Variants in IRS1 observed in about 807,000 individuals in gnomAD.
IRS1 encodes the protein insulin receptor substrate 1.
Under a neutral mutation model 65.6 loss-of-function variants are expected in IRS1, and 34 were observed. The observed-to-expected ratio is 0.52, with a 90% CI of 0.39 to 0.69. IRS1 has a LOEUF of 0.69. Ranked by LOEUF, IRS1 falls within the 30% of genes least tolerant of loss-of-function variation. The probability of loss-of-function intolerance (pLI) is 0.00; values close to 1 mark genes in which losing one functional copy is unlikely to be tolerated. For missense variants in IRS1, 1,641 were observed against 1,720.2 expected (o/e 0.95, Z 0.81); for synonymous variants, 699 against 683.5 (o/e 1.02, Z -0.35).
At chr2:226,753,841 CTGATTGATTGATTGAT>C (rs113302205) in intron 1 of IRS1, among the ~76,000 whole-genome samples, 1 of 151,692 alleles carries the variant, frequency 6.6e-6, no homozygotes, top group Non-Finnish European at 1.5e-5. Flanking sequence ...AAACTCAGCA[CTGATTGATTGATTGAT>C]TGATTGATTG....
rs2106184414 is a variant in IRS1, at chr2:226,795,154, G to A, written c.3585C>T (p.Cys1195=). 3 of 1,613,694 alleles carry A rather than the reference G, an allele frequency of 1.9e-6. No individual in the cohort carries two copies. Among genetic ancestry groups the A allele is most frequent in the East Asian group, 2.2e-5 (1 of 44,862 alleles). ...VKDFKQCPQE[C]TPEPQPPPPP... ...GTGGGGGAGGCTGCGGTTCAGGGGTGCACTCCTGAGGGCACTGTTTGAAGT... is the reference window on the plus strand; with the variant it reads ...GTGGGGGAGGCTGCGGTTCAGGGGTACACTCCTGAGGGCACTGTTTGAAGT... The change falls in exon 1 of 2, where the codon TGC becomes TGT. Residue 1195 remains cysteine (C), a synonymous_variant. Coordinates refer to ENST00000305123, the MANE Select transcript of IRS1 (RefSeq NM_005544.3).
At chr2:226,793,440 T>C (rs1398349188) in intron 1 of IRS1, among the ~76,000 whole-genome samples, 2 of 152,246 alleles carry the variant, frequency 1.3e-5, no homozygotes, top group Non-Finnish European at 2.9e-5. Context: ...TAAATCTTTC[T>C]TCTAGTGAAT....
Position 226,796,730 on chromosome 2 carries a change from C to T in IRS1, c.2009G>A (p.Gly670Asp). Residue 670 changes from glycine to aspartate, a missense_variant, in exon 1 of 2, where the codon GGC becomes GAC. Coordinates refer to ENST00000305123, the MANE Select transcript of IRS1 (RefSeq NM_005544.3). ...NGYMMMSPSG[G>D]CSPDIGGGPS... ...GCCACCTCCAATGTCAGGAGAGCAG[C>T]CACCGCTGGGGGACATCATCATGTA... is the stretch of plus-strand genomic sequence containing the variant. 4 of 1,612,310 alleles carry T rather than the reference C, an allele frequency of 2.5e-6. No individual in the cohort carries two copies. Among genetic ancestry groups the T allele is most frequent in the Non-Finnish European group, 3.4e-6 (4 of 1,178,958 alleles).
chr2:226,770,040 G>T (rs1187899674), intron 1 of IRS1, among the ~76,000 whole-genome samples: 1 of 152,118 alleles, frequency 6.6e-6, no homozygotes, highest in African/African-American at 2.4e-5. Context: ...TAAAGTCCTA[G>T]CAGTCATGAA....
Position 226,795,846 on chromosome 2 carries a change from G to T in IRS1, c.2893C>A (p.Leu965Met). Reference protein sequence around the residue: ...QESTGVEMGRLGPAPPGAASI... With the variant: ...QESTGVEMGRMGPAPPGAASI... ...GCAGCCCCGGGAGGTGCAGGGCCCA[G>T]TCTGCCCATCTCGACCCCAGTGCTC... is the stretch of plus-strand genomic sequence containing the variant. The change falls in exon 1 of 2, where the codon CTG becomes ATG. Residue 965 changes from leucine (L) to methionine (M), a missense_variant. Physicochemically the swap from Leu to Met is conservative, Grantham distance 15. Transcript: ENST00000305123. The T allele has an allele frequency of 1.9e-6, 3 of 1,613,390 alleles. No homozygotes were observed. Among genetic ancestry groups the T allele is most frequent in the Non-Finnish European group, 2.5e-6 (3 of 1,179,932 alleles).
rs1226759277 is a variant in IRS1, at chr2:226,731,443, A to G, written c.*4829T>C. On this transcript the variant is annotated 3_prime_UTR_variant, in exon 2 of 2. Transcript: ENST00000305123. The stretch of plus-strand genomic sequence containing the variant: ...TTTAATTGATGATGAAGACACTACA[A>G]TTCTAAGTACCAGACAGAATCAGGA... 1 of 152,206 alleles carries G rather than the reference A, an allele frequency of 6.6e-6. No individual in the cohort carries two copies. The highest frequency in any genetic ancestry group is 1.9e-4 in the East Asian group (1 of 5,202). The allele number at this position is 152,206 out of a possible 1,614,324, so 9.4% of individuals were successfully genotyped here.
Position 226,799,802 on chromosome 2 carries a change from C to CGGCAGCCG in IRS1, c.-1072_-1065dup, listed in dbSNP as rs1387788167. 102 of 989,704 alleles carry CGGCAGCCG rather than the reference C, an allele frequency of 1.0e-4. No individual in the cohort carries two copies. The African/African-American group carries it at 1.7e-3, about 17-fold the overall frequency. 61.3% of individuals were successfully genotyped at this position (989,704 alleles called of 1,614,324 possible). On this transcript the variant is annotated 5_prime_UTR_variant, in exon 1 of 2. Coordinates refer to ENST00000305123, the MANE Select transcript of IRS1 (RefSeq NM_005544.3). This position sits in a 1 kb window ranked among gnomAD's most constrained non-coding sequence, Gnocchi z 6.1. ...AAACACGTGACGGAGCCTCCGCGCT[C>CGGCAGCCG]GGCAGCCGGGCAGCCGCCGCCGGGA... is the stretch of plus-strand genomic sequence containing the variant.
intron 1 of IRS1, among the ~76,000 whole-genome samples, chr2:226,756,998 T>TAAAA (rs1938817601): frequency 6.8e-6 from 1 of 146,506 alleles, no homozygotes; most frequent in Non-Finnish European, 1.5e-5. Context: ...AATAAATAAA[T>TAAAA]AAATAAAATA....
Position 226,798,260 on chromosome 2 carries a change from A to C in IRS1, c.479T>G (p.Phe160Cys). The C allele has an allele frequency of 6.2e-6, 10 of 1,613,332 alleles. No individual in the cohort carries two copies. Among genetic ancestry groups the C allele is most frequent in the Non-Finnish European group, 7.6e-6 (9 of 1,179,912 alleles). The change falls in exon 1 of 2, where the codon TTC becomes TGC. Residue 160 changes from phenylalanine (F) to cysteine (C), a missense_variant. Physicochemically the swap from Phe to Cys is radical, Grantham distance 205. Transcript: ENST00000305123. This position sits in a 1 kb window ranked among gnomAD's most constrained non-coding sequence, Gnocchi z 9.4. ...SYGDVPPGPA[F>C]KEVWQVILKP... is the part of the protein sequence containing the mutation. Reference sequence around the variant, plus strand: ...CAGGATCACTTGCCAGACCTCTTTGAATGCGGGTCCTGGGGGCACGTCACC... The same window carrying C: ...CAGGATCACTTGCCAGACCTCTTTGCATGCGGGTCCTGGGGGCACGTCACC...
rs750818294 is a variant in IRS1, at chr2:226,797,824, A to G, written c.915T>C (p.Thr305=). Residue 305 remains threonine (T), a synonymous_variant, in exon 1 of 2, where the codon ACT becomes ACC. Coordinates refer to ENST00000305123, the MANE Select transcript of IRS1 (RefSeq NM_005544.3). The surrounding 1 kb of genome is among the most constrained non-coding windows in gnomAD (Gnocchi z 8.1). ...CCGGGGAGGTGGCGGTGATGCTCTC[A>G]GTGCGTGATCGGCGGGTCAGCCCCA... ...SQVGLTRRSR[T]ESITATSPAS... The G allele has an allele frequency of 4.2e-5, 67 of 1,606,042 alleles. No homozygotes were observed. Among genetic ancestry groups the G allele is most frequent in the Non-Finnish European group, 5.3e-5 (62 of 1,177,274 alleles).
chr2:226,755,860 C>T (rs989907642), intron 1 of IRS1, among the ~76,000 whole-genome samples: 22 of 152,320 alleles, frequency 1.4e-4, no homozygotes, highest in African/African-American at 4.8e-4. Context: ...CAACAGAAAG[C>T]AAAGCTTAAG....
intron 1 of IRS1, among the ~76,000 whole-genome samples, chr2:226,774,751 C>T (rs1939236125): frequency 6.6e-6 from 1 of 152,016 alleles, no homozygotes; most frequent in African/African-American, 2.4e-5. Flanking sequence ...GAGTATTAAC[C>T]AGCAATAAAA....
Position 226,796,241 on chromosome 2 carries a change from T to G in IRS1, c.2498A>C (p.His833Pro), listed in dbSNP as rs779385759. 131 of 1,613,302 alleles carry G rather than the reference T, an allele frequency of 8.1e-5. No individual in the cohort carries two copies. Among genetic ancestry groups the G allele is most frequent in the Non-Finnish European group, 9.7e-5 (114 of 1,179,916 alleles). ...ARLEPSLPHPHHQVLQPHLPR... is the reference protein window; with the variant it reads ...ARLEPSLPHPPHQVLQPHLPR... ...CAGATGGGGCTGCAGAACCTGATGG[T>G]GGGGATGTGGAAGGCTGGGCTCCAG... The change falls in exon 1 of 2, where the codon CAC becomes CCC. Residue 833 changes from histidine (H) to proline (P), a missense_variant. This residue lies in a region of IRS1 where 1,324 missense variants were observed against 1,361.0 expected (regional missense o/e 0.97). Transcript: ENST00000305123.
rs774454591 is a variant in IRS1, at chr2:226,797,305, G to A, written c.1434C>T (p.Ala478=). Residue 478 remains alanine, a synonymous_variant, in exon 1 of 2, where the codon GCC becomes GCT. Transcript: ENST00000305123. This position sits in a 1 kb window ranked among gnomAD's most constrained non-coding sequence, Gnocchi z 8.1. The part of the protein sequence containing the change: ...MGGKGPSTLT[A]PNGHYILSRG... ...GAGACAAAATGTAGTGACCGTTGGG[G>A]GCGGTCAGGGTGGAGGGCCCCTTGC... 26 of 1,613,384 alleles carry A rather than the reference G, an allele frequency of 1.6e-5. No homozygotes were observed. The highest frequency in any genetic ancestry group is 1.9e-5 in the Non-Finnish European group (23 of 1,180,000).
At chr2:226,755,994 A>C (rs1174217940) in intron 1 of IRS1, among the ~76,000 whole-genome samples, 1 of 152,226 alleles carries the variant, frequency 6.6e-6, no homozygotes, top group Non-Finnish European at 1.5e-5. Context: ...AAGCTTTCAA[A>C]ACACAATGCC....
rs376142568 is a variant in IRS1, at chr2:226,798,327, C to G, written c.412G>C (p.Gly138Arg). Residue 138 changes from glycine (G) to arginine (R), a missense_variant, in exon 1 of 2, where the codon GGC becomes CGC. Transcript: ENST00000305123. The surrounding 1 kb of genome is among the most constrained non-coding windows in gnomAD (Gnocchi z 9.4). ...CCAGCCTCACCAAGGCCGGAGCTGC[C>G]GCTGCAGCTGCCCCCACCACCTCCC... ...GAGGGGGSCS[G>R]SSGLGEAGED... is the part of the protein sequence containing the mutation. 2.5e-6 allele frequency: 4 copies of G among 1,613,244 alleles called. No homozygotes were observed. In the Admixed American group the frequency reaches 5.0e-5, roughly 20 times the overall value.
At chr2:226,755,278 C>T (rs1228140593) in intron 1 of IRS1, among the ~76,000 whole-genome samples, 1 of 152,220 alleles carries the variant, frequency 6.6e-6, no homozygotes, top group Non-Finnish European at 1.5e-5. Context: ...TCATAAACAG[C>T]TGCATCTCGC....
At chr2:226,768,958 G>A (rs1020025196) in intron 1 of IRS1, among the ~76,000 whole-genome samples, 1 of 152,116 alleles carries the variant, frequency 6.6e-6, no homozygotes, top group African/African-American at 2.4e-5. Flanking sequence ...AGTAACCAGA[G>A]CTCACTGAGG....
At chr2:226,742,933 T>C (rs1024262453) in intron 1 of IRS1, among the ~76,000 whole-genome samples, 13 of 152,152 alleles carry the variant, frequency 8.5e-5, no homozygotes, top group South Asian at 4.1e-4. Context: ...GTCAGTGATA[T>C]ATTAAGGAAA....
Sources: allele counts gnomAD v4.1 joint callset (sites outside exome capture counted in the v4.1 genomes callset), GRCh38; gene constraint gnomAD v4.1.1; regional missense constraint gnomAD v4.1.1; non-coding constraint Gnocchi (gnomAD v3.1); transcripts MANE v1.5; gene names NCBI Gene and HGNC (gene_info 2026-07-23, HGNC 2026-07-21).